The following GNA12 variants were observed in gnomAD, a reference collection of about 807,000 sequenced individuals.
GNA12 encodes guanine nucleotide-binding protein subunit alpha-12.
Under a neutral mutation model 26.0 loss-of-function variants are expected in GNA12, and 9 were observed. The observed-to-expected ratio is 0.35, with a 90% CI of 0.21 to 0.60. The LOEUF is 0.60. Among genes scored for constraint, GNA12 ranks in the 20% least tolerant of loss-of-function variants. The pLI is 0.78. For synonymous variants in GNA12, 264 were observed against 219.6 expected (o/e 1.20, Z -1.79); for missense variants, 405 against 525.8 (o/e 0.77, Z 2.25).
At chr7:2,744,229 G>A (rs181188446) in intron 2 of GNA12, among the ~76,000 whole-genome samples, 2 of 152,354 alleles carry the variant, frequency 1.3e-5, no homozygotes, top group Admixed American at 6.5e-5. Context: ...CTCCTCAAGT[G>A]GGTCCCTGAC....
chr7:2,774,400 A>C (rs780969441), intron 2 of GNA12, among the ~76,000 whole-genome samples: 8 of 152,206 alleles, frequency 5.3e-5, no homozygotes, highest in Non-Finnish European at 8.8e-5. Flanking sequence ...TCATGAAGAT[A>C]ACATCTGAGT....
chr7:2,733,013 C>T (rs1025858652), intron 3 of GNA12, among the ~76,000 whole-genome samples: 14 of 152,272 alleles, frequency 9.2e-5, no homozygotes, highest in Middle Eastern at 6.8e-3. Context: ...TACGGTACTG[C>T]GGTTGTCATT....
At chr7:2,760,914 G>A (rs183415529) in intron 2 of GNA12, among the ~76,000 whole-genome samples, 3,745 of 152,262 alleles carry the variant, frequency 0.025, 113 homozygotes, top group Middle Eastern at 0.075. Context: ...GGGAGTGGGG[G>A]GTTCTGGCTG....
chr7:2,755,784 T>G (rs1791264972), intron 2 of GNA12, among the ~76,000 whole-genome samples: 2 of 152,230 alleles, frequency 1.3e-5, no homozygotes, highest in African/African-American at 4.8e-5. Context: ...TGTGAAAAAT[T>G]TCTTTACTGA....
chr7:2,825,751 A>T (rs890939681), intron 1 of GNA12, among the ~76,000 whole-genome samples: 1 of 152,224 alleles, frequency 6.6e-6, no homozygotes, highest in African/African-American at 2.4e-5. Flanking sequence ...GATGCAGGAC[A>T]GAGAAGCCAG....
intron 2 of GNA12, among the ~76,000 whole-genome samples, chr7:2,734,326 T>C (rs1049071957): frequency 2.6e-5 from 4 of 152,176 alleles, no homozygotes; most frequent in South Asian, 2.1e-4. Flanking sequence ...AAACCAATTA[T>C]ACCACTTTCT....
chr7:2,788,806 C>T (rs1792430816), intron 2 of GNA12, among the ~76,000 whole-genome samples: 1 of 152,154 alleles, frequency 6.6e-6, no homozygotes, highest in South Asian at 2.1e-4. Flanking sequence ...CCGGCCTTGC[C>T]CCATCTTACC....
chr7:2,844,263 G>GAGGCACCGCCCCA lies in GNA12; in HGVS notation c.-103_-102insTGGGGCGGTGCCT. 5.9e-6 allele frequency: 3 copies of GAGGCACCGCCCCA among 511,678 alleles called. No individual in the cohort carries two copies. The highest frequency in any genetic ancestry group is 7.5e-6 in the Non-Finnish European group (3 of 398,830). 31.7% of individuals were successfully genotyped at this position (511,678 alleles called of 1,614,324 possible). On this transcript the variant is annotated 5_prime_UTR_variant, in exon 1 of 4. Coordinates refer to ENST00000275364, the MANE Select transcript of GNA12 (RefSeq NM_007353.3). ...CCGAGGCACCGCCCCACGCCCCGCC[G>GAGGCACCGCCCCA]CTCGCCTCAGGCCGCGTCCGCCGCC...
intron 1 of GNA12, among the ~76,000 whole-genome samples, chr7:2,819,917 C>T (rs979704318): frequency 3.3e-5 from 5 of 152,114 alleles, no homozygotes; most frequent in South Asian, 2.1e-4. Flanking sequence ...CACCAAAACC[C>T]GCACATGGAT....
At chr7:2,802,932 C>A (rs148631157) in intron 1 of GNA12, among the ~76,000 whole-genome samples, 3 of 152,280 alleles carry the variant, frequency 2.0e-5, no homozygotes, top group East Asian at 3.9e-4. Flanking sequence ...CATTTCACAG[C>A]GCAGCCCTGG....
At chr7:2,798,653 T>C (rs1053924505) in intron 1 of GNA12, among the ~76,000 whole-genome samples, 13 of 152,200 alleles carry the variant, frequency 8.5e-5, no homozygotes, top group Admixed American at 2.6e-4. Flanking sequence ...GATATAAATA[T>C]GATTATTTGA....
At chr7:2,830,289 A>C (rs113787429) in intron 1 of GNA12, among the ~76,000 whole-genome samples, 2 of 152,302 alleles carry the variant, frequency 1.3e-5, no homozygotes, top group South Asian at 4.1e-4. Context: ...ACGAGTCTCA[A>C]TATTTCTTCC....
intron 1 of GNA12, among the ~76,000 whole-genome samples, chr7:2,831,734 T>A (rs922320552): frequency 1.3e-5 from 2 of 152,076 alleles, no homozygotes; most frequent in African/African-American, 4.8e-5. Flanking sequence ...AAAACACAAG[T>A]GGTCACAAAA....
intron 1 of GNA12, among the ~76,000 whole-genome samples, chr7:2,834,537 G>C (rs560280730): frequency 6.6e-6 from 1 of 152,234 alleles, no homozygotes; most frequent in African/African-American, 2.4e-5. Flanking sequence ...ATGCCGTGGA[G>C]ATTTTGTTGA....
intron 2 of GNA12, among the ~76,000 whole-genome samples, chr7:2,754,513 C>T (rs1172540579): frequency 1.3e-5 from 2 of 151,692 alleles, no homozygotes; most frequent in East Asian, 3.9e-4. Context: ...GAGGCCAGGG[C>T]AGGAAGATCC....
rs114292080 is a variant in GNA12, at chr7:2,799,378, G to A, written c.310-4235C>T. The stretch of plus-strand genomic sequence containing the variant: ...GAGGATCACTTGGGGCCAGAAGTTC[G>A]AGACCAGCCTGGGCAACATAGTGAG... On this transcript the variant is annotated intron_variant, in intron 1 of 3. Transcript: ENST00000275364. Among the ~76,000 whole-genome samples, 765 of 152,200 alleles carry A rather than the reference G, an allele frequency of 5.0e-3. 7 individuals carry two copies. The highest frequency in any genetic ancestry group is 0.017 in the African/African-American group (721 of 41,518).
chr7:2,800,673 T>C (rs781687843), intron 1 of GNA12, among the ~76,000 whole-genome samples: 1 of 152,136 alleles, frequency 6.6e-6, no homozygotes, highest in Non-Finnish European at 1.5e-5. Context: ...GGCAAAGAGA[T>C]AGTAGGGAAG....
At chr7:2,820,090 C>T (rs773564354) in intron 1 of GNA12, among the ~76,000 whole-genome samples, 107 of 152,152 alleles carry the variant, frequency 7.0e-4, no homozygotes, top group Non-Finnish European at 1.4e-3. Context: ...TTTGAAGAAA[C>T]GATGCTAAGA....
In GNA12 at chr7:2,793,942, T is replaced by C. The variant is rs115060011; in HGVS notation, c.525+986A>G. On this transcript the variant is annotated intron_variant, in intron 2 of 3. Transcript: ENST00000275364. The stretch of plus-strand genomic sequence containing the variant: ...CCAATAGCAAAATATGAAAAACAGT[T>C]CAAAAGTACCTCAATGAAAGAAGGA... Among the ~76,000 whole-genome samples, 1,358 of 150,212 alleles carry C rather than the reference T, an allele frequency of 9.0e-3. 16 individuals are homozygous for C. Among genetic ancestry groups the C allele is most frequent in the African/African-American group, 0.031 (1,284 of 40,858 alleles).
Sources: allele counts gnomAD v4.1 joint callset (sites outside exome capture counted in the v4.1 genomes callset), GRCh38; gene constraint gnomAD v4.1.1; transcripts MANE v1.5; gene names NCBI Gene and HGNC (gene_info 2026-07-23, HGNC 2026-07-21).